ACOT1: variants seen among roughly 807,000 people sequenced by gnomAD.
The protein encoded by ACOT1 is acyl-CoA thioesterase 1, also known as acyl-coenzyme A thioesterase 1.
A neutral mutation model predicts 15.7 loss-of-function variants in ACOT1; 8 were observed. The observed-to-expected ratio is 0.51, with a 90% CI of 0.30 to 0.92. The LOEUF (loss-of-function observed/expected upper bound fraction) is 0.92, where lower values mean the gene tolerates loss of function less well. Ranked by LOEUF, ACOT1 falls within the 40% of genes least tolerant of loss-of-function variation. The pLI is 0.06. For missense variants in ACOT1, 151 were observed against 539.4 expected (o/e 0.28, Z 7.13); for synonymous variants, 67 against 241.2 (o/e 0.28, Z 6.69).
At chr14:73,524,293 CAAAAA>C in the ACOT1 span, among the ~76,000 whole-genome samples, 6 of 56,658 alleles carry the variant, frequency 1.1e-4, no homozygotes, top group East Asian at 9.4e-4. Context: ...AACTCCGTCT[CAAAAA>C]AAAAAAAAAA....
At chr14:73,495,501 T>G in the ACOT1 span, 3 of 835,266 alleles carry the variant, frequency 3.6e-6, no homozygotes, top group South Asian at 3.5e-5. Flanking sequence ...GAGGATCACT[T>G]GAGCCCAACA....
At chr14:73,493,042 A>G in the ACOT1 span, 20 of 1,594,526 alleles carry the variant, frequency 1.3e-5, no homozygotes, top group Non-Finnish European at 1.6e-5. Flanking sequence ...TTACCTTGAT[A>G]AGCATCAGTG....
chr14:73,509,365 A>ATGGCATAT, the ACOT1 span: 1 of 1,614,110 alleles, frequency 6.2e-7, no homozygotes, highest in African/African-American at 1.3e-5. Flanking sequence ...ATGTGACTGT[A>ATGGCATAT]TGGCATATTG....
the ACOT1 span, among the ~76,000 whole-genome samples, chr14:73,519,444 C>T: frequency 6.6e-6 from 1 of 152,106 alleles, no homozygotes; most frequent in Non-Finnish European, 1.5e-5. Context: ...TGGTGATTTC[C>T]TTCCTAAGGC....
At chr14:73,512,003 C>CT in the ACOT1 span, 1 of 1,613,758 alleles carries the variant, frequency 6.2e-7, no homozygotes, top group Non-Finnish European at 8.5e-7. Flanking sequence ...CTTTGGCTCT[C>CT]ACCTGAGTCT....
At chr14:73,534,238 C>A (rs1888793627), upstream of ACOT1, among the ~76,000 whole-genome samples, 1 of 111,018 alleles carries the variant, frequency 9.0e-6, no homozygotes, top group Non-Finnish European at 1.9e-5. Flanking sequence ...AATCAGCTGG[C>A]CGTGGTGGCA....
chr14:73,493,265 T>C, the ACOT1 span: 9 of 660,518 alleles, frequency 1.4e-5, no homozygotes, highest in Admixed American at 3.2e-5. Context: ...GAGACAGATA[T>C]TAGATTTTTT....
At chr14:73,503,449 A>C in the ACOT1 span, among the ~76,000 whole-genome samples, 1 of 152,152 alleles carries the variant, frequency 6.6e-6, no homozygotes, top group African/African-American at 2.4e-5. Context: ...ACAGTTGGTC[A>C]CTCTATAAGT....
chr14:73,509,852 ATATATATATATATATATT>A, the ACOT1 span, among the ~76,000 whole-genome samples: 40 of 60,044 alleles, frequency 6.7e-4, no homozygotes, highest in African/African-American at 2.3e-3. Flanking sequence ...ATATATATAT[ATATATATATATATATATT>A]TATTTATTTT....
the ACOT1 span, among the ~76,000 whole-genome samples, chr14:73,497,303 G>A: frequency 6.6e-6 from 1 of 152,236 alleles, no homozygotes; most frequent in Admixed American, 6.5e-5. Flanking sequence ...GCCTCCCAAA[G>A]TGTTGGGATT....
the ACOT1 span, chr14:73,495,511 A>AGT: frequency 1.3e-6 from 1 of 741,636 alleles, no homozygotes; most frequent in East Asian, 2.8e-5. Context: ...TGAGCCCAAC[A>AGT]GTTCAAGGCT....
the ACOT1 span, chr14:73,491,721 A>G: frequency 6.4e-7 from 1 of 1,551,464 alleles, no homozygotes; most frequent in Non-Finnish European, 8.7e-7. Flanking sequence ...CGGCAGGACC[A>G]CACCTACTAC....
the ACOT1 span, among the ~76,000 whole-genome samples, chr14:73,526,805 C>T: frequency 6.6e-6 from 1 of 152,182 alleles, no homozygotes; most frequent in South Asian, 2.1e-4. Flanking sequence ...GCAGTTCTGG[C>T]CACAGGCCTT....
intron 1 of ACOT1, among the ~76,000 whole-genome samples, chr14:73,538,384 C>A (rs1888950327): frequency 8.8e-6 from 1 of 113,960 alleles, no homozygotes; most frequent in South Asian, 2.8e-4. Context: ...GAAGCCGAGG[C>A]GGGCGGATCA....
the ACOT1 span, among the ~76,000 whole-genome samples, chr14:73,528,286 T>G: frequency 2.0e-5 from 3 of 147,576 alleles, no homozygotes; most frequent in South Asian, 4.2e-4. Context: ...TCCCAGCTAC[T>G]CAGGAGGCTG....
chr14:73,522,948 C>T, the ACOT1 span: 1 of 1,614,234 alleles, frequency 6.2e-7, no homozygotes, highest in Non-Finnish European at 8.5e-7. Flanking sequence ...GTAAGGTTTG[C>T]AGCAGCCATT....
chr14:73,537,088 A>T (rs1888885949), upstream of ACOT1: 2 of 211,292 alleles, frequency 9.5e-6, no homozygotes, highest in Non-Finnish European at 1.7e-5. Context: ...GGATCACGCC[A>T]TTCTCCTGCC....
At chr14:73,521,023 G>C in the ACOT1 span, 1 of 1,613,474 alleles carries the variant, frequency 6.2e-7, no homozygotes, top group Non-Finnish European at 8.5e-7. Flanking sequence ...TCTGCTTGTT[G>C]GAAGTAACTG....
the ACOT1 span, among the ~76,000 whole-genome samples, chr14:73,514,559 GTAA>G: frequency 1.3e-5 from 2 of 152,172 alleles, no homozygotes. Context: ...ATGTTTATAT[GTAA>G]CGAGATTTGC....
Sources: gnomAD v4.1 joint callset for allele counts (sites outside exome capture counted in the v4.1 genomes callset) on GRCh38, gnomAD v4.1.1 for gene constraint, MANE v1.5 for transcripts, NCBI Gene and HGNC (gene_info 2026-07-23, HGNC 2026-07-21) for gene names.